Variants in PDCD10 observed in about 807,000 individuals in gnomAD.
The protein encoded by PDCD10 is programmed cell death protein 10.
In PDCD10, 4 loss-of-function variants were observed where a neutral mutation model predicts 29.2. The ratio of observed to expected loss-of-function variants is 0.14; its 90% CI spans 0.07 to 0.31. PDCD10 has a LOEUF of 0.31. Among genes scored for constraint, PDCD10 ranks in the 10% least tolerant of loss-of-function variants. PDCD10 has a pLI of 1.00. For missense variants in PDCD10, 183 were observed against 257.9 expected (o/e 0.71, Z 1.99); for synonymous variants, 70 against 82.2 (o/e 0.85, Z 0.80).
chr3:167,707,457 T>A (rs1221090931), intron 3 of PDCD10, among the ~76,000 whole-genome samples: 1 of 151,988 alleles, frequency 6.6e-6, no homozygotes, highest in African/African-American at 2.4e-5. Flanking sequence ...AGCAGGCGGA[T>A]CACAAAGTCA....
chr3:167,725,763 T>TA (rs1724064631), intron 2 of PDCD10, among the ~76,000 whole-genome samples: 3 of 77,164 alleles, frequency 3.9e-5, no homozygotes, highest in East Asian at 3.8e-4. Context: ...ATTGTATCGT[T>TA]TATATATATA....
At position 167,714,575 on chromosome 3, in the gene PDCD10, C is replaced by G. The variant is rs922693273; in HGVS notation, c.96+5487G>C. 2.6e-5 allele frequency among the ~76,000 whole-genome samples: 4 copies of G among 151,756 alleles called. No homozygotes were observed. In the East Asian group the frequency reaches 7.7e-4, roughly 29 times the overall value. On this transcript the variant is annotated intron_variant, in intron 3 of 8. Coordinates refer to ENST00000392750, the MANE Select transcript of PDCD10 (RefSeq NM_007217.4). ...AGACTCCACAAGGAAACTATTAGAA[C>G]AGATAAATTAAGTAAAGTAGCAGAA...
intron 2 of PDCD10, among the ~76,000 whole-genome samples, chr3:167,731,911 G>A (rs529203153): frequency 2.6e-5 from 4 of 152,228 alleles, no homozygotes; most frequent in Admixed American, 1.3e-4. Flanking sequence ...TTAGGTAGGC[G>A]TGAGGGGAAC....
intron 6 of PDCD10, among the ~76,000 whole-genome samples, chr3:167,689,027 A>G (rs1719943987): frequency 6.6e-6 from 1 of 152,214 alleles, no homozygotes. Flanking sequence ...GATTATTTCA[A>G]TAATATTTTA....
intron 4 of PDCD10, among the ~76,000 whole-genome samples, chr3:167,702,139 G>T (rs1439016811): frequency 6.6e-6 from 1 of 152,122 alleles, no homozygotes; most frequent in Non-Finnish European, 1.5e-5. Flanking sequence ...TTAGAGAAAT[G>T]ACAAAGCAAA....
At chr3:167,727,134 T>C (rs1363016236) in intron 2 of PDCD10, among the ~76,000 whole-genome samples, 1 of 152,180 alleles carries the variant, frequency 6.6e-6, no homozygotes, top group Non-Finnish European at 1.5e-5. Flanking sequence ...CAGGCTGGGT[T>C]GCACACTGAA....
intron 2 of PDCD10, among the ~76,000 whole-genome samples, chr3:167,721,524 C>CCAGAATGT (rs1436883656): frequency 6.6e-6 from 1 of 152,072 alleles, no homozygotes; most frequent in East Asian, 1.9e-4. Flanking sequence ...TTTATCTGTG[C>CCAGAATGT]CAGAATGTGT....
Position 167,684,353 on chromosome 3 carries a change from A to G in PDCD10, c.594T>C (p.Ile198=). The part of the protein sequence containing the change: ...INVFVSANRL[I]HQTNLILQTF... ...TCTGAAGTATTAAGTTGGTTTGATGAATTAGTCGGTTGGCACTTACGAACA... is the reference window on the plus strand; with the variant it reads ...TCTGAAGTATTAAGTTGGTTTGATGGATTAGTCGGTTGGCACTTACGAACA... The change falls in exon 9 of 9, where the codon ATT becomes ATC. Residue 198 remains isoleucine (I), a synonymous_variant. Transcript: ENST00000392750. The G allele has an allele frequency of 1.9e-6, 3 of 1,608,178 alleles. No individual in the cohort carries two copies. The highest frequency in any genetic ancestry group is 2.6e-6 in the Non-Finnish European group (3 of 1,174,914).
intron 3 of PDCD10, among the ~76,000 whole-genome samples, chr3:167,716,559 TA>T (rs1292943392): frequency 6.6e-5 from 10 of 151,380 alleles, no homozygotes; most frequent in African/African-American, 2.4e-4. Flanking sequence ...CACAAAAATT[TA>T]AAAAAATTTA....
intron 4 of PDCD10, among the ~76,000 whole-genome samples, chr3:167,703,186 C>T (rs539928769): frequency 6.6e-6 from 1 of 151,890 alleles, no homozygotes; most frequent in African/African-American, 2.4e-5. Flanking sequence ...CTTCTTTTGG[C>T]CACAAAGATG....
chr3:167,703,156 T>C (rs1177768271), intron 4 of PDCD10, among the ~76,000 whole-genome samples: 1 of 152,174 alleles, frequency 6.6e-6, no homozygotes, highest in Non-Finnish European at 1.5e-5. Context: ...GCAATACTAC[T>C]GTACAGATTA....
intron 3 of PDCD10, among the ~76,000 whole-genome samples, chr3:167,716,033 A>G (rs1183346304): frequency 6.7e-6 from 1 of 150,018 alleles, no homozygotes; most frequent in African/African-American, 2.5e-5. Context: ...GTGTCCATCA[A>G]CAGATGAACA....
intron 2 of PDCD10, among the ~76,000 whole-genome samples, chr3:167,724,200 G>C (rs976318172): frequency 6.6e-6 from 1 of 152,180 alleles, no homozygotes; most frequent in African/African-American, 2.4e-5. Flanking sequence ...TGAAAGGAGA[G>C]GAACAACAGA....
chr3:167,703,274 CAAT>C, intron 4 of PDCD10, among the ~76,000 whole-genome samples: 1 of 151,182 alleles, frequency 6.6e-6, no homozygotes, highest in Admixed American at 6.6e-5. Context: ...AAGAAAACAA[CAAT>C]AAAAAAAAAG....
At chr3:167,708,472 C>T (rs1046326845) in intron 3 of PDCD10, among the ~76,000 whole-genome samples, 1 of 152,126 alleles carries the variant, frequency 6.6e-6, no homozygotes, top group African/African-American at 2.4e-5. Flanking sequence ...CATGTTCACG[C>T]CCCTCTCCCT....
At position 167,703,134 on chromosome 3, in the gene PDCD10, A is replaced by T. The variant is rs911156804; in HGVS notation, c.150+1708T>A. On this transcript the variant is annotated intron_variant, in intron 4 of 8. Transcript: ENST00000392750. The stretch of plus-strand genomic sequence containing the variant: ...TGGCATTAGAAAAGCTGAAATATTG[A>T]CTTTTCTCTTAGCAATACTACTGTA... Among the ~76,000 whole-genome samples, 6 of 152,254 alleles carry T rather than the reference A, an allele frequency of 3.9e-5. No homozygotes were observed. The East Asian group carries it at 1.2e-3, about 29-fold the overall frequency.
intron 6 of PDCD10, among the ~76,000 whole-genome samples, chr3:167,688,441 C>T (rs1389813430): frequency 6.6e-6 from 1 of 152,112 alleles, no homozygotes; most frequent in Non-Finnish European, 1.5e-5. Context: ...TGCATCATCA[C>T]CTCCCTCCCC....
At chr3:167,708,421 A>G (rs1176305822) in intron 3 of PDCD10, among the ~76,000 whole-genome samples, 1 of 152,176 alleles carries the variant, frequency 6.6e-6, no homozygotes, top group African/African-American at 2.4e-5. Context: ...TTGTGTACAA[A>G]TCTACTTGCT....
At chr3:167,704,573 T>C in intron 4 of PDCD10, 1 of 258,674 alleles carries the variant, frequency 3.9e-6, no homozygotes, top group East Asian at 8.2e-5. Context: ...AAAAAAACCC[T>C]CAAAAATATA....
Sources: gnomAD v4.1 joint callset for allele counts (sites outside exome capture counted in the v4.1 genomes callset) on GRCh38, gnomAD v4.1.1 for gene constraint, MANE v1.5 for transcripts, NCBI Gene and HGNC (gene_info 2026-07-23, HGNC 2026-07-21) for gene names.